The following LRP8 variants were observed in gnomAD, a reference collection of about 807,000 sequenced individuals.
LRP8 encodes low-density lipoprotein receptor-related protein 8.
Under a neutral mutation model 111.6 loss-of-function variants are expected in LRP8, and 46 were observed. That is an observed-to-expected ratio of 0.41 (90% CI 0.33 to 0.53). LRP8 has a LOEUF of 0.53. LRP8 is among the 20% of genes least tolerant of loss of function. The probability of loss-of-function intolerance (pLI) is 0.20; values close to 1 mark genes in which losing one functional copy is unlikely to be tolerated. For missense variants in LRP8, 959 were observed against 1,297.4 expected (o/e 0.74, Z 4.01); for synonymous variants, 464 against 511.2 (o/e 0.91, Z 1.24).
In LRP8 at chr1:53,280,693, C is replaced by T. The variant is rs771157004; in HGVS notation, c.390G>A (p.Glu130=). 1 of 1,612,356 alleles carries T rather than the reference C, an allele frequency of 6.2e-7. No individual in the cohort carries two copies. The highest frequency in any genetic ancestry group is 1.3e-5 in the African/African-American group (1 of 75,068). The change falls in exon 4 of 19, where the codon GAG becomes GAA. Residue 130 remains glutamate (E), a synonymous_variant. Coordinates refer to ENST00000306052, the MANE Select transcript of LRP8 (RefSeq NM_004631.5). ...GGCTGGTGGGTCCACAGCTCAGCTTCTCTGCAGGACACACCTGCTTGGCTG... is the reference window on the plus strand; with the variant it reads ...GGCTGGTGGGTCCACAGCTCAGCTTTTCTGCAGGACACACCTGCTTGGCTG... ...ATCTKQVCPA[E]KLSCGPTSHK... is the part of the protein sequence containing the mutation.
intron 16 of LRP8, among the ~76,000 whole-genome samples, chr1:53,254,855 TTC>T (rs1275197394): frequency 6.6e-6 from 1 of 152,180 alleles, no homozygotes; most frequent in East Asian, 1.9e-4. Flanking sequence ...ACAGTCGCAC[TTC>T]ACATAGCTGG....
At chr1:53,292,621 G>A (rs1010824710) in intron 2 of LRP8, among the ~76,000 whole-genome samples, 7 of 152,198 alleles carry the variant, frequency 4.6e-5, no homozygotes, top group Non-Finnish European at 8.8e-5. Flanking sequence ...AAAAAGAAAC[G>A]TATATCCTAG....
rs1557742027 is a variant in LRP8, at chr1:53,249,677, T to A, written c.2677-121A>T. On this transcript the variant is annotated intron_variant, in intron 17 of 18. Transcript: ENST00000306052. This position sits in a 1 kb window ranked among gnomAD's most constrained non-coding sequence, Gnocchi z 4.1. ...TCCTCATTCCCCCAAAAAGCCATGC[T>A]GTGTTGTACCTTCAAGCCTTTGCAC... 7.2e-7 allele frequency: 1 copy of A among 1,395,668 alleles called. No homozygotes were observed. Among genetic ancestry groups the A allele is most frequent in the Non-Finnish European group, 9.4e-7 (1 of 1,063,292 alleles). 86.5% of individuals were successfully genotyped at this position (1,395,668 alleles called of 1,614,324 possible). A position where few individuals can be genotyped will look rare whatever the true frequency, so the allele number is the denominator to read the frequency against.
intron 2 of LRP8, among the ~76,000 whole-genome samples, chr1:53,313,413 G>A (rs1297571584): frequency 8.1e-6 from 1 of 123,830 alleles, no homozygotes; most frequent in Non-Finnish European, 1.8e-5. Context: ...GGAGCCCAGA[G>A]GCACCCTCCA....
chr1:53,308,794 C>A (rs188131245), intron 2 of LRP8, among the ~76,000 whole-genome samples: 19 of 152,316 alleles, frequency 1.2e-4, no homozygotes, highest in Non-Finnish European at 2.1e-4. Context: ...GGAGCTCTCA[C>A]ACTAAGTCCT....
rs1655421324 is a variant in LRP8 at position 53,328,036 on chromosome 1, C to T, written c.-124G>A. 1.2e-4 allele frequency: 48 copies of T among 391,606 alleles called. No homozygotes were observed. The highest frequency in any genetic ancestry group is 4.7e-4 in the East Asian group (3 of 6,372). 24.3% of individuals were successfully genotyped at this position (391,606 alleles called of 1,614,324 possible). Reference sequence around the variant, plus strand: ...CTGCCCCCGCCGCCGCCGCCGCCGCCGCTGCCGCCCGCCCCGGCTCCTCGG... The same window carrying T: ...CTGCCCCCGCCGCCGCCGCCGCCGCTGCTGCCGCCCGCCCCGGCTCCTCGG... On this transcript the variant is annotated 5_prime_UTR_variant, in exon 1 of 19. Transcript: ENST00000306052.
At position 53,294,897 on chromosome 1, in the gene LRP8, C is replaced by T. The variant is rs1340907716; in HGVS notation, c.245-5208G>A. On this transcript the variant is annotated intron_variant, in intron 2 of 18. Transcript: ENST00000306052. This position sits in a 1 kb window ranked among gnomAD's most constrained non-coding sequence, Gnocchi z 4.1. ...GTGGAGCCCCGGTGCAGAGAGAAGGCTCCAAAATAAAGATTAGTCCGGGCT... is the reference window on the plus strand; with the variant it reads ...GTGGAGCCCCGGTGCAGAGAGAAGGTTCCAAAATAAAGATTAGTCCGGGCT... Among the ~76,000 whole-genome samples the T allele has an allele frequency of 6.6e-6, 1 of 152,252 alleles. No individual in the cohort carries two copies. The highest frequency in any genetic ancestry group is 1.5e-5 in the Non-Finnish European group (1 of 68,048).
chr1:53,319,735 T>C (rs1654256325), intron 2 of LRP8, among the ~76,000 whole-genome samples: 1 of 152,176 alleles, frequency 6.6e-6, no homozygotes, highest in African/African-American at 2.4e-5. Context: ...TGAGAGGAGC[T>C]GGGGTGAGCA....
rs558832383 is a variant in LRP8, at chr1:53,324,971, A to G, written c.244+1902T>C. On this transcript the variant is annotated intron_variant, in intron 2 of 18. Transcript: ENST00000306052. ...GAGGAGGCATCCTTATCTAGAAAGT[A>G]GAATGACAAGAAAATTTCTGCTTTT... Among the ~76,000 whole-genome samples the G allele has an allele frequency of 1.1e-4, 16 of 152,362 alleles. No individual in the cohort carries two copies. The East Asian group carries it at 1.7e-3, about 17-fold the overall frequency.
intron 2 of LRP8, among the ~76,000 whole-genome samples, chr1:53,307,759 T>C (rs1453938368): frequency 6.6e-6 from 1 of 152,240 alleles, no homozygotes; most frequent in Non-Finnish European, 1.5e-5. Context: ...AGGGCTGCCA[T>C]TTAATGCTCT....
At chr1:53,248,111 C>T (rs1645783417) in intron 18 of LRP8, among the ~76,000 whole-genome samples, 1 of 152,144 alleles carries the variant, frequency 6.6e-6, no homozygotes. Context: ...TAACATAGTA[C>T]CTAACAACAC....
chr1:53,296,581 T>C (rs1443564433), intron 2 of LRP8, among the ~76,000 whole-genome samples: 3 of 151,962 alleles, frequency 2.0e-5, no homozygotes, highest in Non-Finnish European at 2.9e-5. Context: ...AGATCCGGGG[T>C]GGGGGCAGGG....
chr1:53,282,949 G>C (rs1647162339), intron 3 of LRP8, among the ~76,000 whole-genome samples: 1 of 152,100 alleles, frequency 6.6e-6, no homozygotes, highest in African/African-American at 2.4e-5. Flanking sequence ...ACCTCTCAAG[G>C]GAGGGGGAGG....
At position 53,276,716 on chromosome 1, in the gene LRP8, CT is replaced by C; in HGVS notation, c.858del (p.Asp287ThrfsTer51). On this transcript the variant is annotated frameshift_variant, in exon 5 of 19. Coordinates refer to ENST00000306052, the MANE Select transcript of LRP8 (RefSeq NM_004631.5). LOFTEE classifies it high-confidence loss of function. ...GWRCDGDRDC[K>X]DKSDEADCPL... ...CGGCAGTCGGCCTCGTCCGATTTGT[CT>C]TTGCAGTCGCGGTCGCCGTCGCAGC... is the stretch of plus-strand genomic sequence containing the variant. 1 of 1,536,664 alleles carries C rather than the reference CT, an allele frequency of 6.5e-7. No homozygotes were observed.
chr1:53,269,502 A>T (rs932990329), intron 8 of LRP8, among the ~76,000 whole-genome samples: 1 of 151,824 alleles, frequency 6.6e-6, no homozygotes, highest in Non-Finnish European at 1.5e-5. Flanking sequence ...TTTTTTAGAT[A>T]TAGGGTCTTA....
At position 53,250,549 on chromosome 1, in the gene LRP8, C is replaced by T. The variant is rs71654990; in HGVS notation, c.2676+141G>A. The T allele has an allele frequency of 4.5e-4, 290 of 646,686 alleles. 3 individuals are homozygous for T. The highest frequency in any genetic ancestry group is 1.8e-3 in the South Asian group (92 of 51,900). 40.1% of individuals were successfully genotyped at this position (646,686 alleles called of 1,614,324 possible). A position where few individuals can be genotyped will look rare whatever the true frequency, so the allele number is the denominator to read the frequency against. On this transcript the variant is annotated intron_variant, in intron 17 of 18. Transcript: ENST00000306052. This position sits in a 1 kb window ranked among gnomAD's most constrained non-coding sequence, Gnocchi z 4.6. ...AAAAAGACAGGGAGGGAGGGAAGGACGGAAGGAAAGGAGGGAGGGAAGGAC... is the reference window on the plus strand; with the variant it reads ...AAAAAGACAGGGAGGGAGGGAAGGATGGAAGGAAAGGAGGGAGGGAAGGAC...
In LRP8 at chr1:53,266,392, A is replaced by T; in HGVS notation, c.1427+81T>A. On this transcript the variant is annotated intron_variant, in intron 9 of 18. Transcript: ENST00000306052. The surrounding 1 kb of genome is among the most constrained non-coding windows in gnomAD (Gnocchi z 5.0). ...CTGTCCTGAGGAGCTCTAGAGGCAG[A>T]CACCACTCCTCCCCTCCTCACCTGT... The T allele has an allele frequency of 6.9e-7, 1 of 1,453,860 alleles. No homozygotes were observed. Among genetic ancestry groups the T allele is most frequent in the Non-Finnish European group, 9.5e-7 (1 of 1,050,150 alleles). 90.1% of individuals were successfully genotyped at this position (1,453,860 alleles called of 1,614,324 possible).
In LRP8 at chr1:53,244,128, A is replaced by C. The variant is rs1645685776; in HGVS notation, c.*2890T>G. 6.6e-6 allele frequency: 1 copy of C among 152,264 alleles called. No homozygotes were observed. Among genetic ancestry groups the C allele is most frequent in the African/African-American group, 2.4e-5 (1 of 41,464 alleles). The allele number at this position is 152,264 out of a possible 1,614,324, so 9.4% of individuals were successfully genotyped here. On this transcript the variant is annotated 3_prime_UTR_variant, in exon 19 of 19. Transcript: ENST00000306052. The stretch of plus-strand genomic sequence containing the variant: ...TATAAATAATCTGTGTATCAAGAGT[A>C]AATAAGTACAGTTTCGTTTTCTCTG...
At chr1:53,272,784 G>A in intron 6 of LRP8, 1 of 608,564 alleles carries the variant, frequency 1.6e-6, no homozygotes, top group Non-Finnish European at 2.7e-6. Flanking sequence ...CAGTCGCTCG[G>A]AGCCCTCCCT....
Sources: gnomAD v4.1 joint callset for allele counts (sites outside exome capture counted in the v4.1 genomes callset) on GRCh38, gnomAD v4.1.1 for gene constraint, Gnocchi (gnomAD v3.1) non-coding constraint, MANE v1.5 for transcripts, NCBI Gene and HGNC (gene_info 2026-07-23, HGNC 2026-07-21) for gene names.